Variants in NSD2 observed in about 807,000 individuals in gnomAD.
The protein encoded by NSD2 is nuclear receptor binding SET domain protein 2, also known as histone-lysine N-methyltransferase NSD2.
A neutral mutation model predicts 139.0 loss-of-function variants in NSD2; 12 were observed. That is an observed-to-expected ratio of 0.09 (90% CI 0.06 to 0.14). The LOEUF is 0.14. NSD2 is among the 10% of genes least tolerant of loss of function. NSD2 has a pLI of 1.00. For synonymous variants in NSD2, 669 were observed against 648.7 expected, an observed-to-expected ratio of 1.03 and a Z score of -0.48; for missense variants, 1,155 against 1,745.0, an observed-to-expected ratio of 0.66 and a Z score of 6.02.
At chr4:1,936,946 G>T (rs1722473155) in intron 7 of NSD2, among the ~76,000 whole-genome samples, 1 of 152,310 alleles carries the variant, frequency 6.6e-6, no homozygotes, top group Non-Finnish European at 1.5e-5. Context: ...CATAGGTGAG[G>T]TTGTTGAGTG....
intron 1 of NSD2, among the ~76,000 whole-genome samples, chr4:1,896,247 C>G (rs547862868): frequency 1.1e-4 from 16 of 152,374 alleles, no homozygotes; most frequent in African/African-American, 3.8e-4. Context: ...CTGCACCTCC[C>G]TTCTGTATTC....
At position 1,976,665 on chromosome 4, in the gene NSD2, G is replaced by A; in HGVS notation, c.3812G>A (p.Gly1271Asp). ...TACCACCTGTCCTGCCTGGGCCTTG[G>A]CAAGCGGCCCTTCGGTGGGTGTGCA... Reference protein sequence around the residue: ...KAYHLSCLGLGKRPFGKWECP... With the variant: ...KAYHLSCLGLDKRPFGKWECP... The change falls in exon 21 of 22, where the codon GGC (glycine) becomes GAC (aspartate). Residue 1271 changes from glycine to aspartate, a missense_variant. Physicochemically the swap from Gly to Asp is moderately conservative, Grantham distance 94. Around this residue, in one of 8 missense-constraint regions of NSD2, gnomAD observed 25 missense variants for 75.1 expected, o/e 0.33. Transcript: ENST00000508803. This position sits in a 1 kb window ranked among gnomAD's most constrained non-coding sequence, Gnocchi z 5.3. 6.3e-7 allele frequency: 1 copy of A among 1,587,558 alleles called. No homozygotes were observed. The highest frequency in any genetic ancestry group is 8.6e-7 in the Non-Finnish European group (1 of 1,167,098).
intron 1 of NSD2, among the ~76,000 whole-genome samples, chr4:1,898,376 G>A (rs910290781): frequency 6.6e-6 from 1 of 152,140 alleles, no homozygotes; most frequent in African/African-American, 2.4e-5. Flanking sequence ...CTTAAAAATG[G>A]TTTCGTGGCC....
chr4:1,887,813 A>G (rs572885119), intron 1 of NSD2: 1 of 152,080 alleles, frequency 6.6e-6, no homozygotes, highest in South Asian at 2.1e-4. Flanking sequence ...TTTATTTTCC[A>G]TGTATCTGTT....
At chr4:1,940,754 C>G in intron 9 of NSD2, 2 of 1,060,502 alleles carry the variant, frequency 1.9e-6, no homozygotes, top group Non-Finnish European at 1.1e-6. Context: ...CTGGCCAGGT[C>G]TCTGCCATGG....
At chr4:1,872,633 A>AGCGC (rs1553856494) in intron 1 of NSD2, among the ~76,000 whole-genome samples, 21 of 131,030 alleles carry the variant, frequency 1.6e-4, no homozygotes, top group African/African-American at 5.5e-4. Context: ...AGAGAGAGAG[A>AGCGC]GAGCGCGCAG....
rs765537179 is a variant in NSD2 at position 1,939,782 on chromosome 4, AAAT to A, written c.1881+16_1881+18del. ...TGCATCCTTAACTGAGAATGAGGTAAAATAATAATAATAACGATAACCATGGCA... is the reference window on the plus strand; with the variant it reads ...TGCATCCTTAACTGAGAATGAGGTAAAATAATAATAACGATAACCATGGCA... On this transcript the variant is annotated splice_donor_5th_base_variant and intron_variant, in intron 9 of 21. Transcript: ENST00000508803. The A allele has an allele frequency of 1.2e-6, 2 of 1,614,164 alleles. No individual in the cohort carries two copies. Among genetic ancestry groups the A allele is most frequent in the Non-Finnish European group, 8.5e-7 (1 of 1,180,004 alleles).
intron 9 of NSD2, chr4:1,945,052 C>T (rs1723477906): frequency 6.6e-6 from 7 of 1,065,916 alleles, no homozygotes; most frequent in Middle Eastern, 4.1e-4. Context: ...GGACAGGAGT[C>T]GGGGGCTCCT....
chr4:1,943,814 G>T, intron 9 of NSD2: 1 of 1,062,224 alleles, frequency 9.4e-7, no homozygotes, highest in Non-Finnish European at 1.1e-6. Flanking sequence ...CCAAAGTAAA[G>T]ACTCTATCTT....
chr4:1,883,907 A>G (rs1714890187), intron 1 of NSD2, among the ~76,000 whole-genome samples: 1 of 152,188 alleles, frequency 6.6e-6, no homozygotes, highest in South Asian at 2.1e-4. Flanking sequence ...ATGGTTTTCT[A>G]CACAGTAGCC....
intron 11 of NSD2, chr4:1,952,996 C>T (rs777393843): frequency 6.4e-5 from 92 of 1,437,804 alleles, no homozygotes; most frequent in Non-Finnish European, 7.7e-5. Context: ...GCCAGCTGCT[C>T]TCAAGGAGGA....
At chr4:1,919,617 A>G (rs1048022801) in intron 5 of NSD2, among the ~76,000 whole-genome samples, 1 of 152,074 alleles carries the variant, frequency 6.6e-6, no homozygotes. Flanking sequence ...GTCTAAATCT[A>G]TGTGGTGATT....
rs754927193 is a variant in NSD2, at chr4:1,952,071, GC to G, written c.2014-35del. 3.1e-6 allele frequency: 5 copies of G among 1,607,460 alleles called. No homozygotes were observed. In the South Asian group the frequency reaches 5.5e-5, roughly 18 times the overall value. On this transcript the variant is annotated intron_variant, in intron 10 of 21. Coordinates refer to ENST00000508803, the MANE Select transcript of NSD2 (RefSeq NM_001042424.3). Reference sequence around the variant, plus strand: ...TGTGGTAAGAGGTGCAGAAGGGACTGCCGGGCGCTGCTTACCCGCCTGCTCT... The same window carrying G: ...TGTGGTAAGAGGTGCAGAAGGGACTGCGGGCGCTGCTTACCCGCCTGCTCT...
chr4:1,917,776 T>G (rs1400455451), intron 4 of NSD2, among the ~76,000 whole-genome samples: 1 of 148,558 alleles, frequency 6.7e-6, no homozygotes, highest in Non-Finnish European at 1.5e-5. Flanking sequence ...TGTAAAAGTA[T>G]TCTTTTTTTT....
chr4:1,933,553 C>T (rs558880771), intron 6 of NSD2, among the ~76,000 whole-genome samples: 1 of 151,310 alleles, frequency 6.6e-6, no homozygotes, highest in South Asian at 2.1e-4. Context: ...CCATGACCAG[C>T]TAATTTTTTT....
At chr4:1,944,098 C>T (rs1246041834) in intron 9 of NSD2, 2 of 1,066,142 alleles carry the variant, frequency 1.9e-6, no homozygotes, top group East Asian at 9.9e-5. Context: ...GGTGGGGTGA[C>T]ATCGTTCCCT....
intron 1 of NSD2, among the ~76,000 whole-genome samples, chr4:1,872,625 A>C (rs796578599): frequency 2.1e-4 from 30 of 144,222 alleles, no homozygotes; most frequent in African/African-American, 7.0e-4. Flanking sequence ...AGAGAGAGAG[A>C]GAGAGAGAGA....
chr4:1,978,246 T>C (rs1727324176), intron 21 of NSD2, among the ~76,000 whole-genome samples: 1 of 152,224 alleles, frequency 6.6e-6, no homozygotes, highest in Non-Finnish European at 1.5e-5. Context: ...ACAGAGCTTT[T>C]ACAGAGTCAT....
intron 18 of NSD2, among the ~76,000 whole-genome samples, chr4:1,964,085 A>ATGG (rs1198827673): frequency 6.6e-6 from 1 of 152,224 alleles, no homozygotes; most frequent in Non-Finnish European, 1.5e-5. Context: ...GACCTTCCTA[A>ATGG]TGGAAGGCTT....
Sources: allele counts gnomAD v4.1 joint callset (sites outside exome capture counted in the v4.1 genomes callset), GRCh38; gene constraint gnomAD v4.1.1; regional missense constraint gnomAD v4.1.1; non-coding constraint Gnocchi (gnomAD v3.1); transcripts MANE v1.5; gene names NCBI Gene and HGNC (gene_info 2026-07-23, HGNC 2026-07-21).